The following FAM221B variants were observed in gnomAD, a reference collection of about 807,000 sequenced individuals.
FAM221B encodes the protein protein FAM221B.
In FAM221B, 35 loss-of-function variants were observed where a neutral mutation model predicts 39.8. The ratio of observed to expected loss-of-function variants is 0.88; its 90% CI spans 0.67 to 1.17. The LOEUF (loss-of-function observed/expected upper bound fraction) is 1.17. Among genes scored for constraint, FAM221B ranks in the 50% most tolerant of loss-of-function variants. The pLI is 0.00. For synonymous variants in FAM221B, 158 were observed against 178.1 expected (o/e 0.89, Z 0.90); for missense variants, 479 against 503.1 (o/e 0.95, Z 0.46).
chr9:35,818,634 T>A, intron 6 of FAM221B, 128 bp from the exon 7 acceptor site: 1 of 1,055,070 alleles, frequency 9.5e-7, no homozygotes. Flanking sequence ...AGAGGGCCCC[T>A]GTATCTGCAG....
rs1316640347 is a variant in FAM221B, at chr9:35,817,371, ACTTCT to A, written c.*1093_*1097del. The A allele has an allele frequency of 1.3e-5, 2 of 152,148 alleles. No individual in the cohort carries two copies. Among genetic ancestry groups the A allele is most frequent in the African/African-American group, 4.8e-5 (2 of 41,370 alleles). The allele number at this position is 152,148 out of a possible 1,614,324, so 9.4% of individuals were successfully genotyped here. Reference sequence around the variant, plus strand: ...CGTCTGCTACTGTACCTCATTAGAGACTTCTCTTCCTTTGACTGCTCCCTTTTTCA... The same window carrying A: ...CGTCTGCTACTGTACCTCATTAGAGACTTCCTTTGACTGCTCCCTTTTTCA... On this transcript the variant is annotated 3_prime_UTR_variant, in exon 7 of 7. Coordinates refer to ENST00000423537, the MANE Select transcript of FAM221B (RefSeq NM_001012446.4).
At position 35,825,324 on chromosome 9, in the gene FAM221B, T is replaced by G. The variant is rs761721887; in HGVS notation, c.648A>C (p.Glu216Asp). 6.2e-7 allele frequency: 1 copy of G among 1,614,134 alleles called. No homozygotes were observed. The highest frequency in any genetic ancestry group is 2.2e-5 in the East Asian group (1 of 44,906). ...VFPARQTELV[E>D]VAKAMHREEF... The stretch of plus-strand genomic sequence containing the variant: ...CCTCTCTATGCATTGCCTTAGCCAC[T>G]TCCACCAGCTCTGTCTGCCTAGCAG... Residue 216 changes from glutamate (E) to aspartate (D), a missense_variant, in exon 3 of 7, where the codon GAA (glutamate) becomes GAC (aspartate). Coordinates refer to ENST00000423537, the MANE Select transcript of FAM221B (RefSeq NM_001012446.4). The surrounding 1 kb of genome is among the most constrained non-coding windows in gnomAD (Gnocchi z 4.2).
At chr9:35,819,473 C>A in intron 4 of FAM221B, 79 bp from the exon 5 acceptor site, 2 of 1,300,394 alleles carry the variant, frequency 1.5e-6, no homozygotes, top group South Asian at 2.9e-5. Context: ...TCCATCCCCA[C>A]CACCCCCTAT....
chr9:35,827,689 C>T (rs1829431047), intron 1 of FAM221B, among the ~76,000 whole-genome samples: 2 of 152,328 alleles, frequency 1.3e-5, no homozygotes, highest in Non-Finnish European at 2.9e-5. Context: ...TTTCTTGGCC[C>T]TGGCATTCAA....
In FAM221B at chr9:35,825,087, C is replaced by A. The variant is rs1829294501; in HGVS notation, c.742+143G>T. The A allele has an allele frequency of 1.1e-6, 1 of 950,348 alleles. No homozygotes were observed. The allele number at this position is 950,348 out of a possible 1,614,324, so 58.9% of individuals were successfully genotyped here. A position where few individuals can be genotyped will look rare whatever the true frequency, so the allele number is the denominator to read the frequency against. On this transcript the variant is annotated intron_variant, in intron 3 of 6. Coordinates refer to ENST00000423537, the MANE Select transcript of FAM221B (RefSeq NM_001012446.4). This position sits in a 1 kb window ranked among gnomAD's most constrained non-coding sequence, Gnocchi z 4.2. ...ATCCACCCTTGTATTCCTTGGCCCA[C>A]TTGCCTGCTCCTTTTCCAGGCAGGT...
In FAM221B at chr9:35,825,655, G is replaced by T. The variant is rs373107675; in HGVS notation, c.507C>A (p.Thr169=). ...CTCCTGCTTCTTCCTCCTGCTTTTC[G>T]GTTGTGTCCACTTGGACCTGGGATG... is the stretch of plus-strand genomic sequence containing the variant. ...GPSSQVQVDT[T]EKQEEEAGEV... is the part of the protein sequence containing the mutation. The change falls in exon 2 of 7, where the codon ACC becomes ACA. Residue 169 remains threonine, a synonymous_variant. Coordinates refer to ENST00000423537, the MANE Select transcript of FAM221B (RefSeq NM_001012446.4). The surrounding 1 kb of genome is among the most constrained non-coding windows in gnomAD (Gnocchi z 4.2). 4 of 1,614,116 alleles carry T rather than the reference G, an allele frequency of 2.5e-6. No individual in the cohort carries two copies. Among genetic ancestry groups the T allele is most frequent in the Non-Finnish European group, 3.4e-6 (4 of 1,180,030 alleles).
At chr9:35,823,810 G>A (rs1207088742) in intron 3 of FAM221B, among the ~76,000 whole-genome samples, 1 of 152,080 alleles carries the variant, frequency 6.6e-6, no homozygotes, top group East Asian at 1.9e-4. Flanking sequence ...GGCCACAGGT[G>A]TGCACCACTA....
At position 35,819,982 on chromosome 9, in the gene FAM221B, C is replaced by T. The variant is rs769179921; in HGVS notation, c.761G>A (p.Arg254His). 1.4e-4 allele frequency: 230 copies of T among 1,613,568 alleles called. No individual in the cohort carries two copies. Among genetic ancestry groups the T allele is most frequent in the Non-Finnish European group, 1.6e-4 (190 of 1,179,584 alleles). ...AIQTGLYIGW[R>H]CPHYLWDCFR... The stretch of plus-strand genomic sequence containing the variant: ...ACAGTCCCATAGGTAATGGGGGCAG[C>T]GCCAGCCAATGTAGAGACCTAGGTA... The change falls in exon 4 of 7, where the codon CGC (arginine) becomes CAC (histidine). Residue 254 changes from arginine to histidine, a missense_variant. Coordinates refer to ENST00000423537, the MANE Select transcript of FAM221B (RefSeq NM_001012446.4).
chr9:35,828,219 G>GA lies in FAM221B; in HGVS notation c.-1+243dup, dbSNP rs1829474795. ...AAGCAAGCAAATCACTTGAACCTGG[G>GA]AGGCGGAGGTTGCAGTGAGCCCAGA... On this transcript the variant is annotated intron_variant, in intron 1 of 6. Coordinates refer to ENST00000423537, the MANE Select transcript of FAM221B (RefSeq NM_001012446.4). The surrounding 1 kb of genome is among the most constrained non-coding windows in gnomAD (Gnocchi z 4.5). Among the ~76,000 whole-genome samples the GA allele has an allele frequency of 6.6e-6, 1 of 152,104 alleles. No individual in the cohort carries two copies. The highest frequency in any genetic ancestry group is 6.5e-5 in the Admixed American group (1 of 15,280).
intron 4 of FAM221B, 53 bp from the exon 5 acceptor site, chr9:35,819,447 C>T: frequency 6.8e-7 from 1 of 1,478,402 alleles, no homozygotes; most frequent in Non-Finnish European, 9.2e-7. Flanking sequence ...CTTGCCTTCT[C>T]ATGCCAACCC....
In FAM221B at chr9:35,818,915, G is replaced by A. The variant is rs375697853; in HGVS notation, c.1146C>T (p.Thr382=). 6.4e-7 allele frequency: 1 copy of A among 1,551,920 alleles called. No individual in the cohort carries two copies. Residue 382 remains threonine (T), a synonymous_variant, in exon 6 of 7, where the codon ACC becomes ACT. Coordinates refer to ENST00000423537, the MANE Select transcript of FAM221B (RefSeq NM_001012446.4). ...CGCGAGGCCTTCCTCCTCGTTGCCG[G>A]GTCTTCTGGGTGTCAAAGAAAGTCT... The part of the protein sequence containing the change: ...EHETFFDTQK[T]RQRGGRPRGT...
At chr9:35,823,014 G>T (rs994302613) in intron 3 of FAM221B, among the ~76,000 whole-genome samples, 1 of 152,166 alleles carries the variant, frequency 6.6e-6, no homozygotes, top group Non-Finnish European at 1.5e-5. Context: ...GAGCAGAGTG[G>T]GCTCTTCTCC....
In FAM221B at chr9:35,825,533, C is replaced by T; in HGVS notation, c.598+31G>A. ...ACAGGGGAGAGGACAGGTACAATTACAGCTAACTCCTTTCTTCTTCTTCTT... is the reference window on the plus strand; with the variant it reads ...ACAGGGGAGAGGACAGGTACAATTATAGCTAACTCCTTTCTTCTTCTTCTT... On this transcript the variant is annotated intron_variant, in intron 2 of 6. Transcript: ENST00000423537. The surrounding 1 kb of genome is among the most constrained non-coding windows in gnomAD (Gnocchi z 4.2). The T allele has an allele frequency of 1.3e-6, 2 of 1,591,218 alleles. No homozygotes were observed. Among genetic ancestry groups the T allele is most frequent in the Non-Finnish European group, 1.7e-6 (2 of 1,166,794 alleles).
chr9:35,819,939 C>A lies in FAM221B; in HGVS notation c.804G>T (p.Glu268Asp). The change falls in exon 4 of 7, where the codon GAG (glutamate) becomes GAT (aspartate). Residue 268 changes from glutamate (E) to aspartate (D), a missense_variant. Transcript: ENST00000423537. ...ACAAGTGTCCACAAAAGCATCTGGACTCATCCCCAATCCGGAAACAGTCCC... is the reference window on the plus strand; with the variant it reads ...ACAAGTGTCCACAAAAGCATCTGGAATCATCCCCAATCCGGAAACAGTCCC... ...YLWDCFRIGD[E>D]SRCFCGHLLR... 3 of 1,614,192 alleles carry A rather than the reference C, an allele frequency of 1.9e-6. No homozygotes were observed. Among genetic ancestry groups the A allele is most frequent in the Non-Finnish European group, 2.5e-6 (3 of 1,180,024 alleles).
intron 3 of FAM221B, chr9:35,821,376 TTGAC>T: frequency 2.4e-6 from 3 of 1,268,584 alleles, no homozygotes; most frequent in Non-Finnish European, 3.2e-6. Flanking sequence ...CATCTGGTCT[TTGAC>T]TGTGGTCAGG....
chr9:35,826,779 C>T (rs1187528920), intron 1 of FAM221B: 1 of 152,586 alleles, frequency 6.6e-6, no homozygotes, highest in Non-Finnish European at 1.5e-5. Context: ...CTGTACTTCA[C>T]ACTCATACCC....
At position 35,816,515 on chromosome 9, in the gene FAM221B, C is replaced by G. The variant is rs1025831264; in HGVS notation, c.*1954G>C. 6.6e-6 allele frequency: 1 copy of G among 150,732 alleles called. No homozygotes were observed. Among genetic ancestry groups the G allele is most frequent in the Non-Finnish European group, 1.5e-5 (1 of 67,918 alleles). 9.3% of individuals were successfully genotyped at this position (150,732 alleles called of 1,614,324 possible). The stretch of plus-strand genomic sequence containing the variant: ...TATGTAATATGTATTGCATATGATA[C>G]TAACCCATGTGTAATCAATTTTTCA... On this transcript the variant is annotated 3_prime_UTR_variant, in exon 7 of 7. Coordinates refer to ENST00000423537, the MANE Select transcript of FAM221B (RefSeq NM_001012446.4).
At chr9:35,826,303 A>T (rs1296954956) in intron 1 of FAM221B, 142 bp from the exon 2 acceptor site, 4 of 676,482 alleles carry the variant, frequency 5.9e-6, no homozygotes, top group Non-Finnish European at 1.0e-5. Flanking sequence ...AAACAACATG[A>T]ACTCTGGGTC....
intron 3 of FAM221B, among the ~76,000 whole-genome samples, chr9:35,824,806 C>T (rs1442289990): frequency 1.3e-5 from 2 of 152,042 alleles, no homozygotes; most frequent in Non-Finnish European, 2.9e-5. Context: ...CTCAGCCTCC[C>T]GAGTAGCTGG....
Sources: gnomAD v4.1 joint callset for allele counts (sites outside exome capture counted in the v4.1 genomes callset) on GRCh38, gnomAD v4.1.1 for gene constraint, Gnocchi (gnomAD v3.1) non-coding constraint, MANE v1.5 for transcripts, NCBI Gene and HGNC (gene_info 2026-07-23, HGNC 2026-07-21) for gene names.